The following FAM168A variants were observed in gnomAD, a reference collection of about 807,000 sequenced individuals.
The protein encoded by FAM168A is protein FAM168A.
FAM168A carries 3 observed loss-of-function variants against 28.5 expected under a neutral mutation model. The observed-to-expected ratio is 0.11, with a 90% CI of 0.05 to 0.27. FAM168A has a LOEUF of 0.27. Among genes scored for constraint, FAM168A ranks in the 10% least tolerant of loss-of-function variants. The probability of loss-of-function intolerance (pLI) is 1.00; values close to 1 mark genes in which losing one functional copy is unlikely to be tolerated. For missense variants in FAM168A, 222 were observed against 311.5 expected, an observed-to-expected ratio of 0.71 and a Z score of 2.16; for synonymous variants, 122 against 124.2, an observed-to-expected ratio of 0.98 and a Z score of 0.12.
rs181328033 is a variant in FAM168A at position 73,504,359 on chromosome 11, C to T, written c.-18-35867G>A. Reference sequence around the variant, plus strand: ...AGTGGGCAAAGGATATGAACAGATGCTTCTCAAAAGAAGACATTTACGTGG... The same window carrying T: ...AGTGGGCAAAGGATATGAACAGATGTTTCTCAAAAGAAGACATTTACGTGG... On this transcript the variant is annotated intron_variant, in intron 1 of 7. Coordinates refer to ENST00000356467, the MANE Select transcript of FAM168A (RefSeq NM_015159.3). Among the ~76,000 whole-genome samples, 975 of 152,240 alleles carry T rather than the reference C, an allele frequency of 6.4e-3. 9 individuals are homozygous for T. Among genetic ancestry groups the T allele is most frequent in the African/African-American group, 0.022 (923 of 41,524 alleles).
intron 1 of FAM168A, among the ~76,000 whole-genome samples, chr11:73,475,964 A>C (rs1327297716): frequency 6.6e-6 from 1 of 152,198 alleles, no homozygotes; most frequent in African/African-American, 2.4e-5. Flanking sequence ...AGGTCATACT[A>C]GTTGGTGCAG....
intron 1 of FAM168A, among the ~76,000 whole-genome samples, chr11:73,552,317 T>C (rs1037202953): frequency 3.9e-5 from 6 of 152,222 alleles, no homozygotes; most frequent in African/African-American, 1.4e-4. Context: ...GTATATAAAA[T>C]ATCTATAGAA....
chr11:73,462,779 G>A (rs1262560650), intron 2 of FAM168A, among the ~76,000 whole-genome samples: 1 of 151,776 alleles, frequency 6.6e-6, no homozygotes, highest in Non-Finnish European at 1.5e-5. Flanking sequence ...CAGGAGAATT[G>A]CTTGAACCTG....
intron 2 of FAM168A, among the ~76,000 whole-genome samples, chr11:73,458,258 C>T (rs551397963): frequency 2.7e-4 from 41 of 152,234 alleles, no homozygotes; most frequent in Middle Eastern, 3.4e-3. Flanking sequence ...AGCAATACTT[C>T]TTTGTTTGGG....
intron 1 of FAM168A, among the ~76,000 whole-genome samples, chr11:73,503,923 A>T (rs538242463): frequency 6.6e-6 from 1 of 152,368 alleles, no homozygotes; most frequent in Non-Finnish European, 1.5e-5. Context: ...CTATTCAGTA[A>T]ATGGTGCCGG....
At chr11:73,518,869 C>G (rs1342082885) in intron 1 of FAM168A, among the ~76,000 whole-genome samples, 1 of 152,094 alleles carries the variant, frequency 6.6e-6, no homozygotes, top group Non-Finnish European at 1.5e-5. Flanking sequence ...TGCACTCCAG[C>G]CTGGGAGACA....
At chr11:73,570,083 G>GATA (rs1384742573) in intron 1 of FAM168A, among the ~76,000 whole-genome samples, 1 of 151,582 alleles carries the variant, frequency 6.6e-6, no homozygotes, top group African/African-American at 2.4e-5. Context: ...AAATAAGAGA[G>GATA]ATAATATCTT....
At chr11:73,488,007 A>G (rs1321477044) in intron 1 of FAM168A, among the ~76,000 whole-genome samples, 2 of 152,212 alleles carry the variant, frequency 1.3e-5, no homozygotes, top group African/African-American at 4.8e-5. Context: ...CCCTGGTTAA[A>G]TTCAGTCACC....
intron 1 of FAM168A, among the ~76,000 whole-genome samples, chr11:73,484,607 T>G (rs1355766387): frequency 2.8e-5 from 4 of 143,888 alleles, no homozygotes; most frequent in African/African-American, 5.1e-5. Context: ...GATATCTATA[T>G]CGATATATAT....
In FAM168A at chr11:73,442,955, GATATATATATATATATATATAT is replaced by G. The variant is rs58430278; in HGVS notation, c.71-12207_71-12186del. 6.9e-3 allele frequency among the ~76,000 whole-genome samples: 276 copies of G among 40,242 alleles called. 14 individuals carry two copies. Among genetic ancestry groups the G allele is most frequent in the East Asian group, 0.028 (24 of 848 alleles). The allele number at this position is 40,242 out of a possible 152,430, so 26.4% of individuals were successfully genotyped here. On this transcript the variant is annotated intron_variant, in intron 2 of 7. Transcript: ENST00000356467. ...GGAATTTTCCTTTATATATACAAAG[GATATATATATATATATATATAT>G]ATATATATATATATATATATGCCAA...
intron 4 of FAM168A, among the ~76,000 whole-genome samples, chr11:73,413,405 C>T (rs979888639): frequency 6.6e-6 from 1 of 152,160 alleles, no homozygotes; most frequent in Non-Finnish European, 1.5e-5. Context: ...CAACTATGAG[C>T]TGAGTGAGAA....
chr11:73,509,202 A>C (rs997365519), intron 1 of FAM168A, among the ~76,000 whole-genome samples: 3 of 152,220 alleles, frequency 2.0e-5, no homozygotes, highest in African/African-American at 7.2e-5. Flanking sequence ...CAGCTTATCC[A>C]TGATCACACA....
At position 73,401,565 on chromosome 11, in the gene FAM168A, G is replaced by A. The variant is rs1866411741; in HGVS notation, c.*5198C>T. ...CTGATCTCACCCATTTGATTCCTATGGGCCGGTACTTTGCAAAGCTGTTAC... is the reference window on the plus strand; with the variant it reads ...CTGATCTCACCCATTTGATTCCTATAGGCCGGTACTTTGCAAAGCTGTTAC... On this transcript the variant is annotated 3_prime_UTR_variant, in exon 8 of 8. Transcript: ENST00000356467. 1 of 152,236 alleles carries A rather than the reference G, an allele frequency of 6.6e-6. No individual in the cohort carries two copies. The highest frequency in any genetic ancestry group is 1.5e-5 in the Non-Finnish European group (1 of 68,072). 9.4% of individuals were successfully genotyped at this position (152,236 alleles called of 1,614,324 possible). A position where few individuals can be genotyped will look rare whatever the true frequency, so the allele number is the denominator to read the frequency against.
At chr11:73,523,902 G>A (rs920228747) in intron 1 of FAM168A, among the ~76,000 whole-genome samples, 3 of 144,436 alleles carry the variant, frequency 2.1e-5, no homozygotes, top group East Asian at 2.0e-4. Context: ...TCACTCTGTC[G>A]CCCAAGCCAG....
At chr11:73,475,378 G>A (rs1867874470) in intron 1 of FAM168A, among the ~76,000 whole-genome samples, 1 of 151,988 alleles carries the variant, frequency 6.6e-6, no homozygotes, top group African/African-American at 2.4e-5. Context: ...TTGGTCCTTT[G>A]AAGTAAGCAA....
chr11:73,553,458 T>TAAAGCC lies in FAM168A; in HGVS notation c.-19+44464_-19+44465insGGCTTT, dbSNP rs1300574492. ...CCTGAGCATAGAGAAAGCAATTAAG[T>TAAAGCC]CTGACTAATAAGAGGATAAAGCCCT... On this transcript the variant is annotated intron_variant, in intron 1 of 7. Transcript: ENST00000356467. Among the ~76,000 whole-genome samples the TAAAGCC allele has an allele frequency of 4.6e-5, 7 of 152,220 alleles. No homozygotes were observed. The East Asian group carries it at 1.4e-3, about 29-fold the overall frequency.
chr11:73,478,154 T>G (rs1867917335), intron 1 of FAM168A, among the ~76,000 whole-genome samples: 1 of 152,212 alleles, frequency 6.6e-6, no homozygotes, highest in African/African-American at 2.4e-5. Flanking sequence ...TTTACTGAAT[T>G]ACATTAGTTT....
At chr11:73,408,315 A>G (rs566700222) in intron 6 of FAM168A, among the ~76,000 whole-genome samples, 1 of 152,330 alleles carries the variant, frequency 6.6e-6, no homozygotes, top group Non-Finnish European at 1.5e-5. Context: ...TTGGGTTCCC[A>G]GGACCTGAAC....
chr11:73,414,193 C>T (rs1354671386), intron 4 of FAM168A, among the ~76,000 whole-genome samples: 1 of 152,160 alleles, frequency 6.6e-6, no homozygotes, highest in African/African-American at 2.4e-5. Flanking sequence ...AAATTTCAGC[C>T]ATGTTTTTTG....
Sources: allele counts gnomAD v4.1 joint callset (sites outside exome capture counted in the v4.1 genomes callset), GRCh38; gene constraint gnomAD v4.1.1; transcripts MANE v1.5; gene names NCBI Gene and HGNC (gene_info 2026-07-23, HGNC 2026-07-21).